The following FBXL20 variants were observed in gnomAD, a reference collection of about 807,000 sequenced individuals.
The protein encoded by FBXL20 is F-box and leucine rich repeat protein 20, also known as F-box/LRR-repeat protein 20.
Under a neutral mutation model 64.0 loss-of-function variants are expected in FBXL20, and 11 were observed. That is an observed-to-expected ratio of 0.17 (90% confidence interval 0.11 to 0.28). The LOEUF (loss-of-function observed/expected upper bound fraction) is 0.28, where lower values mean the gene tolerates loss of function less well. Among genes scored for constraint, FBXL20 ranks in the 10% least tolerant of loss-of-function variants. FBXL20 has a pLI of 1.00. For synonymous variants in FBXL20, 184 were observed against 189.0 expected, an observed-to-expected ratio of 0.97 and a Z score of 0.22; for missense variants, 303 against 526.2, an observed-to-expected ratio of 0.58 and a Z score of 4.15.
intron 10 of FBXL20, among the ~76,000 whole-genome samples, chr17:39,271,142 T>C (rs913354796): frequency 6.6e-6 from 1 of 152,130 alleles, no homozygotes; most frequent in African/African-American, 2.4e-5. Context: ...ATGAAATGCA[T>C]TAAAAGCCTT....
intron 2 of FBXL20, among the ~76,000 whole-genome samples, chr17:39,317,709 TTTTTTTTTTTGA>T (rs2047309917): frequency 9.8e-6 from 1 of 102,330 alleles, no homozygotes; most frequent in Non-Finnish European, 1.8e-5. Context: ...TTGTTTTTTT[TTTTTTTTTTTGA>T]GACGGAGTCT....
chr17:39,263,872 T>A, intron 14 of FBXL20: 1 of 233,404 alleles, frequency 4.3e-6, no homozygotes, highest in East Asian at 8.2e-5. Flanking sequence ...ATGTGGCATG[T>A]GCTTTTTTTT....
At chr17:39,335,268 G>A (rs1462312713) in intron 2 of FBXL20, among the ~76,000 whole-genome samples, 2 of 147,330 alleles carry the variant, frequency 1.4e-5, no homozygotes, top group Non-Finnish European at 3.0e-5. Context: ...CCCACCCCAC[G>A]AAATGCTTAA....
At chr17:39,396,439 T>C (rs998991886) in intron 1 of FBXL20, among the ~76,000 whole-genome samples, 1 of 151,574 alleles carries the variant, frequency 6.6e-6, no homozygotes, top group African/African-American at 2.4e-5. Flanking sequence ...CTACTAAAAA[T>C]ACAAAAATTA....
intron 1 of FBXL20, among the ~76,000 whole-genome samples, chr17:39,344,259 G>A (rs2047610729): frequency 6.6e-6 from 1 of 151,674 alleles, no homozygotes; most frequent in Admixed American, 6.6e-5. Context: ...GCTGAGGTGG[G>A]AGGACTGCCT....
At chr17:39,288,785 T>C (rs1198836976) in intron 6 of FBXL20, among the ~76,000 whole-genome samples, 1 of 151,964 alleles carries the variant, frequency 6.6e-6, no homozygotes, top group Non-Finnish European at 1.5e-5. Flanking sequence ...CTCGGATCAC[T>C]GCAACCTCTG....
intron 1 of FBXL20, among the ~76,000 whole-genome samples, chr17:39,353,599 C>CTTA (rs1555611853): frequency 7.1e-6 from 1 of 140,236 alleles, no homozygotes; most frequent in Non-Finnish European, 1.5e-5. Context: ...ACCACTACAC[C>CTTA]TTATTTATTT....
Position 39,254,012 on chromosome 17 carries a change from C to T in FBXL20, c.*7448G>A, listed in dbSNP as rs1336513627. On this transcript the variant is annotated 3_prime_UTR_variant, in exon 15 of 15. Transcript: ENST00000264658. Reference sequence around the variant, plus strand: ...GTAAGAAACATATATGTGTGAGCAGCAATGAGGTACAGATCTGAATTAATG... The same window carrying T: ...GTAAGAAACATATATGTGTGAGCAGTAATGAGGTACAGATCTGAATTAATG... 6.6e-6 allele frequency: 1 copy of T among 152,200 alleles called. No individual in the cohort carries two copies. The highest frequency in any genetic ancestry group is 1.5e-5 in the Non-Finnish European group (1 of 68,022). The allele number at this position is 152,200 out of a possible 1,614,324, so 9.4% of individuals were successfully genotyped here. A position where few individuals can be genotyped will look rare whatever the true frequency, so the allele number is the denominator to read the frequency against.
intron 2 of FBXL20, among the ~76,000 whole-genome samples, chr17:39,316,304 C>T (rs1009285778): frequency 1.3e-5 from 2 of 151,974 alleles, no homozygotes; most frequent in African/African-American, 4.8e-5. Context: ...TACACACACA[C>T]ACACACACAC....
chr17:39,267,105 A>G (rs1373447648), intron 12 of FBXL20, among the ~76,000 whole-genome samples: 4 of 151,720 alleles, frequency 2.6e-5, no homozygotes, highest in Admixed American at 1.3e-4. Context: ...TACAAAAACT[A>G]GCCGGGCGTG....
intron 9 of FBXL20, 62 bp downstream of exon 9, chr17:39,281,327 C>G (rs1273471655): frequency 6.9e-7 from 1 of 1,456,584 alleles, no homozygotes; most frequent in East Asian, 2.3e-5. Context: ...CTTAAAATAG[C>G]TCTTAAAAAT....
At chr17:39,346,571 A>G (rs1326309143) in intron 1 of FBXL20, among the ~76,000 whole-genome samples, 1 of 152,306 alleles carries the variant, frequency 6.6e-6, no homozygotes, top group Non-Finnish European at 1.5e-5. Context: ...GGGACAGTGA[A>G]ATGAAAAGAA....
chr17:39,376,783 G>A (rs2047971239), intron 1 of FBXL20, among the ~76,000 whole-genome samples: 1 of 152,118 alleles, frequency 6.6e-6, no homozygotes, highest in Admixed American at 6.6e-5. Context: ...GGGAGATCAA[G>A]GCAGGAGGAT....
At chr17:39,389,319 A>G (rs1165891233) in intron 1 of FBXL20, among the ~76,000 whole-genome samples, 2 of 152,190 alleles carry the variant, frequency 1.3e-5, no homozygotes, top group African/African-American at 2.4e-5. Context: ...TTGCTTTTCT[A>G]CAAGTGGGTG....
chr17:39,308,099 AGGCC>A, intron 2 of FBXL20, among the ~76,000 whole-genome samples: 1 of 151,712 alleles, frequency 6.6e-6, no homozygotes, highest in East Asian at 1.9e-4. Context: ...GCACTCTGGG[AGGCC>A]AAGGCAGGTG....
chr17:39,286,831 TCCC>T (rs1263927843), intron 6 of FBXL20, among the ~76,000 whole-genome samples: 2 of 151,716 alleles, frequency 1.3e-5, no homozygotes, highest in Admixed American at 6.6e-5. Flanking sequence ...CATCTCTTCT[TCCC>T]CCCTTTTTTA....
chr17:39,372,548 A>C (rs1295223699), intron 1 of FBXL20, among the ~76,000 whole-genome samples: 1 of 149,982 alleles, frequency 6.7e-6, no homozygotes, highest in Non-Finnish European at 1.5e-5. Flanking sequence ...AAAAATTGGT[A>C]ATCTTTTAAG....
chr17:39,304,807 A>G (rs1489389899), intron 2 of FBXL20, among the ~76,000 whole-genome samples: 1 of 150,996 alleles, frequency 6.6e-6, no homozygotes, highest in African/African-American at 2.4e-5. Context: ...TTTTTGAGAG[A>G]GACTCACCCG....
At chr17:39,401,734 C>T (rs1567912682), upstream of FBXL20, 2 of 486,546 alleles carry the variant, frequency 4.1e-6, no homozygotes, top group South Asian at 6.4e-5. Flanking sequence ...GGGGGAGGGG[C>T]GGGAGGGGAG....
Sources: allele counts gnomAD v4.1 joint callset (sites outside exome capture counted in the v4.1 genomes callset), GRCh38; gene constraint gnomAD v4.1.1; transcripts MANE v1.5; gene names NCBI Gene and HGNC (gene_info 2026-07-23, HGNC 2026-07-21).